The following CHCHD4 variants were observed in gnomAD, a reference collection of about 807,000 sequenced individuals.
The protein encoded by CHCHD4 is coiled-coil-helix-coiled-coil-helix domain containing 4, also known as mitochondrial intermembrane space import and assembly protein 40.
Under a neutral mutation model 12.4 loss-of-function variants are expected in CHCHD4, and 7 were observed. The observed-to-expected ratio is 0.57, with a 90% confidence interval of 0.32 to 1.06. The LOEUF (loss-of-function observed/expected upper bound fraction) is 1.06. Among genes scored for constraint, CHCHD4 ranks in the 50% least tolerant of loss-of-function variants. The pLI is 0.04. For synonymous variants in CHCHD4, 56 were observed against 58.0 expected (o/e 0.97, Z 0.16); for missense variants, 143 against 175.1 (o/e 0.82, Z 1.03).
At position 14,116,510 on chromosome 3, in the gene CHCHD4, T is replaced by G; in HGVS notation, c.37A>C (p.Ile13Leu). Residue 13 changes from isoleucine (I) to leucine (L), a missense_variant, in exon 2 of 3, where the codon ATA (isoleucine) becomes CTA (leucine). Coordinates refer to ENST00000396914, the MANE Select transcript of CHCHD4 (RefSeq NM_001098502.2). ...YCRQEGKDRI[I>L]FVTKEDHETP... ...TCATGATCTTCTTTGGTTACAAATA[T>G]GATTCGATCCTTCCCTAGTGTTTGG... 6.2e-7 allele frequency: 1 copy of G among 1,610,946 alleles called. No homozygotes were observed.
At position 14,112,958 on chromosome 3, in the gene CHCHD4, GCTT is replaced by G. The variant is rs1559355861; in HGVS notation, c.355_357del (p.Lys119del). ...GCTGTTTCTTCTGCTTGTTCTGCTG[GCTT>G]CTTCTCTCTTTCCTCTTCCTCATCC... On this transcript the variant is annotated inframe_deletion, in exon 3 of 3. Coordinates refer to ENST00000396914, the MANE Select transcript of CHCHD4 (RefSeq NM_001098502.2). The G allele has an allele frequency of 9.3e-6, 15 of 1,612,532 alleles. No homozygotes were observed. Among genetic ancestry groups the G allele is most frequent in the Admixed American group, 5.0e-5 (3 of 59,740 alleles).
At chr3:14,116,653 A>G in intron 1 of CHCHD4, 129 bp from the exon 2 acceptor site, 2 of 718,666 alleles carry the variant, frequency 2.8e-6, no homozygotes, top group Non-Finnish European at 2.5e-6. Context: ...TGAGGTGACT[A>G]TCAAACTGCT....
chr3:14,122,077 T>A, intron 1 of CHCHD4: 2 of 1,596,642 alleles, frequency 1.3e-6, no homozygotes, highest in South Asian at 2.2e-5. Context: ...GGAACCATCC[T>A]GGGCAAAGCC....
At position 14,112,901 on chromosome 3, in the gene CHCHD4, C is replaced by G. The variant is rs916372690; in HGVS notation, c.415G>C (p.Glu139Gln). Residue 139 changes from glutamate (E) to glutamine (Q), a missense_variant, in exon 3 of 3, where the codon GAG becomes CAG. Glu to Gln is a conservative substitution (Grantham distance 29). Transcript: ENST00000396914. ...PIEATATKEE[E>Q]GSS ...TGTGGCCTTCATTAACTTGATCCCT[C>G]CTCTTCTTTGGTTGCAGTGGCCTCA... The G allele has an allele frequency of 6.2e-7, 1 of 1,612,106 alleles. No individual in the cohort carries two copies. The highest frequency in any genetic ancestry group is 1.3e-5 in the African/African-American group (1 of 74,708).
chr3:14,122,225 T>A, intron 1 of CHCHD4: 1 of 1,206,558 alleles, frequency 8.3e-7, no homozygotes, highest in Non-Finnish European at 1.1e-6. Context: ...AGCCTTTCAC[T>A]AAACGATCAT....
At chr3:14,115,031 A>G (rs1310006935) in intron 2 of CHCHD4, among the ~76,000 whole-genome samples, 1 of 152,192 alleles carries the variant, frequency 6.6e-6, no homozygotes, top group East Asian at 1.9e-4. Context: ...AGCTATTCCA[A>G]GCACCATCTC....
rs759419964 is a variant in CHCHD4 at position 14,113,145 on chromosome 3, C to G, written c.171G>C (p.Gly57=). The G allele has an allele frequency of 1.6e-5, 26 of 1,613,924 alleles. No individual in the cohort carries two copies. The highest frequency in any genetic ancestry group is 2.1e-5 in the Non-Finnish European group (25 of 1,179,944). The change falls in exon 3 of 3, where the codon GGG becomes GGC. Residue 57 remains glycine, a synonymous_variant. Coordinates refer to ENST00000396914, the MANE Select transcript of CHCHD4 (RefSeq NM_001098502.2). ...GNINWNCPCL[G]GMASGPCGEQ... Reference sequence around the variant, plus strand: ...CTCCACAGGGACCGCTGGCCATTCCCCCAAGGCATGGGCAGTTCCAGTTAA... The same window carrying G: ...CTCCACAGGGACCGCTGGCCATTCCGCCAAGGCATGGGCAGTTCCAGTTAA...
intron 1 of CHCHD4, 121 bp downstream of exon 1, chr3:14,124,534 G>A: frequency 1.2e-6 from 1 of 819,048 alleles, no homozygotes; most frequent in Non-Finnish European, 1.8e-6. Flanking sequence ...GAGTGTCCCA[G>A]GGTGGGCACC....
chr3:14,121,767 T>TAAG, intron 1 of CHCHD4: 3 of 1,392,408 alleles, frequency 2.2e-6, no homozygotes, highest in Non-Finnish European at 2.9e-6. Context: ...TTGATAAATC[T>TAAG]GACTGCTAAG....
Position 14,116,190 on chromosome 3 carries a change from T to G in CHCHD4, c.121+236A>C, listed in dbSNP as rs199514256. Among the ~76,000 whole-genome samples, 5 of 152,302 alleles carry G rather than the reference T, an allele frequency of 3.3e-5. No individual in the cohort carries two copies. In the East Asian group the frequency reaches 9.6e-4, roughly 29 times the overall value. ...ACCTATAACTGCTGGAATCTACTAATACCCTCTCCCAAAACTTAGCTGTTG... is the reference window on the plus strand; with the variant it reads ...ACCTATAACTGCTGGAATCTACTAAGACCCTCTCCCAAAACTTAGCTGTTG... On this transcript the variant is annotated intron_variant, in intron 2 of 2. Transcript: ENST00000396914.
chr3:14,116,667 A>G (rs750591513), intron 1 of CHCHD4, 143 bp from the exon 2 acceptor site: 33 of 683,544 alleles, frequency 4.8e-5, no homozygotes, highest in Non-Finnish European at 6.1e-5. Flanking sequence ...AACTGCTCTC[A>G]TATGCTAGGG....
At chr3:14,119,495 A>G (rs1377923498) in intron 1 of CHCHD4, among the ~76,000 whole-genome samples, 2 of 138,652 alleles carry the variant, frequency 1.4e-5, no homozygotes, top group Non-Finnish European at 3.0e-5. Context: ...AGGCTTACCT[A>G]TTCCTAACAG....
At chr3:14,114,659 A>AT (rs983740221) in intron 2 of CHCHD4, among the ~76,000 whole-genome samples, 2 of 152,208 alleles carry the variant, frequency 1.3e-5, no homozygotes, top group African/African-American at 4.8e-5. Context: ...CAGGTGGTTG[A>AT]TTAAAAAAAA....
At chr3:14,122,460 A>G (rs749239129) in intron 1 of CHCHD4, among the ~76,000 whole-genome samples, 3 of 152,336 alleles carry the variant, frequency 2.0e-5, no homozygotes, top group Non-Finnish European at 4.4e-5. Context: ...TAAGAAAGAA[A>G]CACTATGGTG....
chr3:14,117,269 T>G (rs1694885818), intron 1 of CHCHD4, among the ~76,000 whole-genome samples: 1 of 152,242 alleles, frequency 6.6e-6, no homozygotes, highest in Non-Finnish European at 1.5e-5. Context: ...CCGGAAGGTC[T>G]GAGGGCTCCA....
At chr3:14,123,567 CCTT>C (rs1289664492) in intron 1 of CHCHD4, among the ~76,000 whole-genome samples, 2 of 152,172 alleles carry the variant, frequency 1.3e-5, no homozygotes, top group African/African-American at 4.8e-5. Context: ...TAGGCCACCT[CCTT>C]CTCTGGGCTT....
At chr3:14,116,191 A>G (rs1015521178) in intron 2 of CHCHD4, among the ~76,000 whole-genome samples, 1 of 152,120 alleles carries the variant, frequency 6.6e-6, no homozygotes, top group Non-Finnish European at 1.5e-5. Context: ...ATCTACTAAT[A>G]CCCTCTCCCA....
In CHCHD4 at chr3:14,112,689, A is replaced by G. The variant is rs1694833577; in HGVS notation, c.*198T>C. On this transcript the variant is annotated 3_prime_UTR_variant, in exon 3 of 3. Transcript: ENST00000396914. ...GCGGCCACAGGTTTGGGTAGGACAC[A>G]CATACATACAACCCCCATTTTTTTC... 7 of 541,436 alleles carry G rather than the reference A, an allele frequency of 1.3e-5. No individual in the cohort carries two copies. The highest frequency in any genetic ancestry group is 3.8e-5 in the African/African-American group (2 of 53,192). The allele number at this position is 541,436 out of a possible 1,614,324, so 33.5% of individuals were successfully genotyped here. A position where few individuals can be genotyped will look rare whatever the true frequency, so the allele number is the denominator to read the frequency against.
chr3:14,123,661 A>G (rs2124979688), intron 1 of CHCHD4, among the ~76,000 whole-genome samples: 1 of 152,264 alleles, frequency 6.6e-6, no homozygotes. Context: ...CTGTAGTTTT[A>G]TAACCATCCA....
Sources: allele counts gnomAD v4.1 joint callset (sites outside exome capture counted in the v4.1 genomes callset), GRCh38; gene constraint gnomAD v4.1.1; transcripts MANE v1.5; gene names NCBI Gene and HGNC (gene_info 2026-07-23, HGNC 2026-07-21).